Variants in LGSN observed in about 807,000 individuals in gnomAD.
The protein encoded by LGSN is lengsin, lens protein with glutamine synthetase domain.
Under a neutral mutation model 19.5 loss-of-function variants are expected in LGSN, and 21 were observed. The observed-to-expected ratio is 1.07, with a 90% CI of 0.76 to 1.55. The LOEUF (loss-of-function observed/expected upper bound fraction) is 1.55. LGSN is among the 40% of genes most tolerant of loss of function. LGSN has a pLI of 0.00. For missense variants in LGSN, 673 were observed against 608.5 expected, an observed-to-expected ratio of 1.11 and a Z score of -1.12; for synonymous variants, 257 against 215.6, an observed-to-expected ratio of 1.19 and a Z score of -1.68.
At chr6:63,454,813 G>A in the LGSN span, among the ~76,000 whole-genome samples, 1 of 13,304 alleles carries the variant, frequency 7.5e-5, no homozygotes, top group Non-Finnish European at 1.6e-4. Context: ...TTTTTTTTTT[G>A]AGACGGAGTC....
At chr6:63,555,920 G>A in the LGSN span, among the ~76,000 whole-genome samples, 2 of 151,868 alleles carry the variant, frequency 1.3e-5, no homozygotes, top group Admixed American at 1.3e-4. Flanking sequence ...CGAACTCCTG[G>A]CCTCAAGTGA....
chr6:63,538,069 A>G, the LGSN span, among the ~76,000 whole-genome samples: 1 of 152,262 alleles, frequency 6.6e-6, no homozygotes, highest in African/African-American at 2.4e-5. Context: ...TTATTTTGCA[A>G]AATAGTGGGA....
At chr6:63,505,633 G>GAAAGAA in the LGSN span, among the ~76,000 whole-genome samples, 1 of 97,200 alleles carries the variant, frequency 1.0e-5, no homozygotes, top group Admixed American at 1.1e-4. Context: ...AAGAAAGAAA[G>GAAAGAA]AAATTCTGGC....
the LGSN span, among the ~76,000 whole-genome samples, chr6:63,477,954 C>T: frequency 1.3e-5 from 2 of 151,574 alleles, no homozygotes; most frequent in Non-Finnish European, 2.9e-5. Context: ...TGTCATATTC[C>T]TCCTCCTCCC....
At chr6:63,572,527 C>G in the LGSN span, 2 of 392,202 alleles carry the variant, frequency 5.1e-6, no homozygotes, top group Non-Finnish European at 9.0e-6. Context: ...GGCTCGGCTA[C>G]GCGCTCTGCT....
the LGSN span, among the ~76,000 whole-genome samples, chr6:63,456,445 G>C: frequency 5.0e-5 from 7 of 138,778 alleles, no homozygotes; most frequent in Non-Finnish European, 1.1e-4. Flanking sequence ...TGCCCAGACT[G>C]GTCTCAAACT....
chr6:63,389,210 T>C, the LGSN span, among the ~76,000 whole-genome samples: 4 of 152,204 alleles, frequency 2.6e-5, no homozygotes, highest in Admixed American at 1.3e-4. Flanking sequence ...GAAAAAGCTA[T>C]GATAAATAAT....
At chr6:63,541,717 TC>T in the LGSN span, among the ~76,000 whole-genome samples, 1 of 152,148 alleles carries the variant, frequency 6.6e-6, no homozygotes, top group Admixed American at 6.5e-5. Flanking sequence ...ACTGTCTCCA[TC>T]CAACTCCATT....
upstream of LGSN, among the ~76,000 whole-genome samples, chr6:63,323,586 A>ACT (rs1262799009): frequency 6.6e-6 from 1 of 151,090 alleles, no homozygotes; most frequent in African/African-American, 2.4e-5. Flanking sequence ...ACACACACAC[A>ACT]CACACACACA....
the LGSN span, among the ~76,000 whole-genome samples, chr6:63,407,621 AG>A: frequency 6.6e-6 from 1 of 152,224 alleles, no homozygotes; most frequent in Non-Finnish European, 1.5e-5. Flanking sequence ...AACCGGCACA[AG>A]ACAGGGATGT....
At chr6:63,318,458 AC>A (rs1192939463) in intron 1 of LGSN, among the ~76,000 whole-genome samples, 1 of 152,062 alleles carries the variant, frequency 6.6e-6, no homozygotes, top group East Asian at 1.9e-4. Context: ...GAGAATGCGA[AC>A]CTATACAGGA....
intron 1 of LGSN, among the ~76,000 whole-genome samples, chr6:63,309,501 A>G (rs1034966817): frequency 1.3e-5 from 2 of 152,190 alleles, no homozygotes; most frequent in Non-Finnish European, 2.9e-5. Context: ...TTTTTTCAAT[A>G]TCTTCTTTTT....
chr6:63,548,372 C>T, the LGSN span, among the ~76,000 whole-genome samples: 2 of 152,252 alleles, frequency 1.3e-5, no homozygotes, highest in East Asian at 1.9e-4. Flanking sequence ...TGAATTTATA[C>T]GTAGAACAGG....
the LGSN span, among the ~76,000 whole-genome samples, chr6:63,336,429 C>G: frequency 1.3e-5 from 2 of 151,530 alleles, no homozygotes; most frequent in Non-Finnish European, 2.9e-5. Flanking sequence ...CTTACTTATG[C>G]TTCAGATGGT....
At chr6:63,439,849 A>G in the LGSN span, among the ~76,000 whole-genome samples, 1 of 152,250 alleles carries the variant, frequency 6.6e-6, no homozygotes, top group South Asian at 2.1e-4. Flanking sequence ...CTCTCTATAT[A>G]CACATACTCC....
the LGSN span, among the ~76,000 whole-genome samples, chr6:63,408,643 C>G: frequency 1.3e-5 from 2 of 150,754 alleles, no homozygotes; most frequent in South Asian, 4.2e-4. Flanking sequence ...GTCTAAAACA[C>G]CAAAAGCAAT....
chr6:63,547,887 T>C, the LGSN span, among the ~76,000 whole-genome samples: 5 of 152,166 alleles, frequency 3.3e-5, no homozygotes, highest in Non-Finnish European at 5.9e-5. Flanking sequence ...CCAACACTTA[T>C]TTATTTAAAA....
the LGSN span, among the ~76,000 whole-genome samples, chr6:63,429,768 T>A: frequency 3.3e-5 from 5 of 150,476 alleles, 1 homozygote; most frequent in Admixed American, 2.0e-4. Flanking sequence ...AAGACAGGGA[T>A]TACAGGAGCT....
the LGSN span, among the ~76,000 whole-genome samples, chr6:63,531,999 C>A: frequency 6.6e-6 from 1 of 152,112 alleles, no homozygotes; most frequent in Non-Finnish European, 1.5e-5. Flanking sequence ...CGGGGTTTCA[C>A]CATCTTGGTG....
Sources: allele counts gnomAD v4.1 joint callset (sites outside exome capture counted in the v4.1 genomes callset), GRCh38; gene constraint gnomAD v4.1.1; transcripts MANE v1.5; gene names NCBI Gene and HGNC (gene_info 2026-07-23, HGNC 2026-07-21).